ROCK1: variants seen among roughly 807,000 people sequenced by gnomAD.
ROCK1 encodes rho-associated protein kinase 1.
In ROCK1, 36 loss-of-function variants were observed where a neutral mutation model predicts 196.8. That is an observed-to-expected ratio of 0.18 (90% CI 0.14 to 0.24). The LOEUF (loss-of-function observed/expected upper bound fraction) is 0.24, where lower values mean the gene tolerates loss of function less well. Ranked by LOEUF, ROCK1 falls within the 10% of genes least tolerant of loss-of-function variation. The pLI, the probability that ROCK1 is intolerant of heterozygous loss-of-function variation, is 1.00. For missense variants in ROCK1, 920 were observed against 1,562.0 expected (o/e 0.59, Z 6.93); for synonymous variants, 443 against 515.9 (o/e 0.86, Z 1.91).
intron 2 of ROCK1, among the ~76,000 whole-genome samples, chr18:21,065,722 C>T (rs1229545426): frequency 6.6e-6 from 1 of 152,138 alleles, no homozygotes; most frequent in East Asian, 1.9e-4. Flanking sequence ...CACCTGAAAT[C>T]TTTCCTTATC....
At chr18:21,011,288 T>C (rs1464577072) in intron 13 of ROCK1, among the ~76,000 whole-genome samples, 1 of 152,164 alleles carries the variant, frequency 6.6e-6, no homozygotes, top group African/African-American at 2.4e-5. Flanking sequence ...AGCATTCCTT[T>C]TGATTTAACT....
Position 21,006,635 on chromosome 18 carries a change from A to C in ROCK1, c.1639-38T>G, listed in dbSNP as rs1288419696. ...AAAGCAAAAAAATAGGTTTCTGACC[A>C]AAGTACGATATAATTTAATTATCTA... On this transcript the variant is annotated intron_variant, in intron 15 of 32. Coordinates refer to ENST00000399799, the MANE Select transcript of ROCK1 (RefSeq NM_005406.3). 6 of 1,596,924 alleles carry C rather than the reference A, an allele frequency of 3.8e-6. No homozygotes were observed. The South Asian group carries it at 6.9e-5, about 18-fold the overall frequency.
At chr18:21,110,718 AT>A in intron 1 of ROCK1, 99 bp downstream of exon 1, 1 of 906,274 alleles carries the variant, frequency 1.1e-6, no homozygotes, top group African/African-American at 1.7e-5. Context: ...TTCCAAGACG[AT>A]TATGCACACC....
chr18:21,092,580 T>TAAAAAAAAAA (rs35799573), intron 1 of ROCK1, among the ~76,000 whole-genome samples: 1,774 of 80,870 alleles, frequency 0.022, 43 homozygotes, highest in Middle Eastern at 0.026. Flanking sequence ...ACCTCATCTT[T>TAAAAAAAAAA]AAAAAAAAAA....
chr18:21,070,496 G>T, intron 2 of ROCK1, 36 bp downstream of exon 2: 2 of 1,117,512 alleles, frequency 1.8e-6, no homozygotes, highest in Non-Finnish European at 2.7e-6. Flanking sequence ...GTAGTTATAT[G>T]AAGTCTGTCA....
intron 1 of ROCK1, among the ~76,000 whole-genome samples, chr18:21,075,432 C>T (rs914019074): frequency 9.9e-5 from 15 of 152,136 alleles, no homozygotes; most frequent in Admixed American, 9.2e-4. Flanking sequence ...ATAAATATTT[C>T]AGACACACTA....
intron 2 of ROCK1, among the ~76,000 whole-genome samples, chr18:21,067,926 T>C (rs1045643076): frequency 6.6e-6 from 1 of 152,190 alleles, no homozygotes; most frequent in Non-Finnish European, 1.5e-5. Flanking sequence ...TTCATTCCCT[T>C]GCGTACGGAT....
Position 21,042,132 on chromosome 18 carries a change from T to A in ROCK1, c.924A>T (p.Glu308Asp), listed in dbSNP as rs778180760. Residue 308 changes from glutamate to aspartate, a missense_variant, in exon 8 of 33, where the codon GAA becomes GAT. By Grantham distance (45) the Glu-to-Asp change is conservative. Transcript: ENST00000399799. ...TFPDDNDISK[E>D]AKNLICAFLT... is the part of the protein sequence containing the mutation. Reference sequence around the variant, plus strand: ...GGAAGGCACAAATAAGGTTTTTTGCTTCTTTTGATATGTCATTATCATCAG... The same window carrying A: ...GGAAGGCACAAATAAGGTTTTTTGCATCTTTTGATATGTCATTATCATCAG... 5.6e-6 allele frequency: 9 copies of A among 1,604,360 alleles called. No individual in the cohort carries two copies. Among genetic ancestry groups the A allele is most frequent in the Non-Finnish European group, 7.6e-6 (9 of 1,177,404 alleles).
intron 32 of ROCK1, among the ~76,000 whole-genome samples, chr18:20,952,338 C>A (rs531809742): frequency 5.3e-5 from 8 of 151,898 alleles, no homozygotes; most frequent in Non-Finnish European, 1.2e-4. Flanking sequence ...GCTGAGATTG[C>A]GCCACTGCAC....
intron 9 of ROCK1, among the ~76,000 whole-genome samples, chr18:21,035,001 G>A (rs763717406): frequency 2.0e-5 from 3 of 152,144 alleles, no homozygotes; most frequent in Non-Finnish European, 4.4e-5. Context: ...GAAGATATAC[G>A]AATGGCCAAT....
At chr18:20,965,134 A>T (rs1345379952) in intron 27 of ROCK1, among the ~76,000 whole-genome samples, 1 of 152,206 alleles carries the variant, frequency 6.6e-6, no homozygotes, top group Non-Finnish European at 1.5e-5. Flanking sequence ...TCATGCCTGT[A>T]ATCTCAGCAC....
At chr18:21,042,359 C>CACCTAAT in intron 7 of ROCK1, 124 bp from the exon 8 acceptor site, 1 of 992,614 alleles carries the variant, frequency 1.0e-6, no homozygotes, top group Non-Finnish European at 1.4e-6. Context: ...TAAAAACATA[C>CACCTAAT]ACCTAATATA....
chr18:21,075,720 G>A (rs1289766571), intron 1 of ROCK1, among the ~76,000 whole-genome samples: 3 of 151,906 alleles, frequency 2.0e-5, no homozygotes, highest in African/African-American at 4.8e-5. Flanking sequence ...TTGGGAGGCC[G>A]AGGCTGGTGG....
In ROCK1 at chr18:20,959,945, G is replaced by A. The variant is rs375369093; in HGVS notation, c.3424-17C>T. The A allele has an allele frequency of 7.2e-4, 1,079 of 1,497,054 alleles. 2 individuals are homozygous for A. Among genetic ancestry groups the A allele is most frequent in the Non-Finnish European group, 9.4e-4 (1,019 of 1,080,034 alleles). 92.7% of individuals were successfully genotyped at this position (1,497,054 alleles called of 1,614,324 possible). The stretch of plus-strand genomic sequence containing the variant: ...CACAACATACTGAAATAAGAAAAAG[G>A]GGGGAAGAGTTACAAGAGCAACATT... On this transcript the variant is annotated splice_polypyrimidine_tract_variant and intron_variant, in intron 28 of 32. Transcript: ENST00000399799.
chr18:20,967,112 C>T, intron 26 of ROCK1, 36 bp from the exon 27 acceptor site: 1 of 1,425,760 alleles, frequency 7.0e-7, no homozygotes, highest in Non-Finnish European at 9.7e-7. Context: ...TATAATCAAG[C>T]TAAAACAATT....
At chr18:20,997,393 CACAGAAA>C (rs2035681224) in intron 16 of ROCK1, among the ~76,000 whole-genome samples, 1 of 152,154 alleles carries the variant, frequency 6.6e-6, no homozygotes, top group South Asian at 2.1e-4. Context: ...TATAAAAAGG[CACAGAAA>C]AGGTCATAAT....
At chr18:21,050,039 A>T (rs1324373700) in intron 2 of ROCK1, among the ~76,000 whole-genome samples, 159 bp from the exon 3 acceptor site, 2 of 152,216 alleles carry the variant, frequency 1.3e-5, no homozygotes, top group African/African-American at 2.4e-5. Flanking sequence ...AAAGTAGCTA[A>T]ATGTTCAATT....
intron 1 of ROCK1, among the ~76,000 whole-genome samples, chr18:21,072,583 A>G (rs2036394875): frequency 6.6e-6 from 1 of 152,234 alleles, no homozygotes; most frequent in Admixed American, 6.5e-5. Flanking sequence ...CACACTTCCT[A>G]AAAGTCCAAA....
rs114493873 is a variant in ROCK1, at chr18:21,000,801, T to G, written c.1885+5550A>C. Among the ~76,000 whole-genome samples, 698 of 152,260 alleles carry G rather than the reference T, an allele frequency of 4.6e-3. 9 individuals are homozygous for G. Among genetic ancestry groups the G allele is most frequent in the African/African-American group, 0.016 (668 of 41,540 alleles). ...TATGGAGAAACTGGAATCCTGTACA[T>G]TGCTGACAGGAATGTAAAATGGTGC... On this transcript the variant is annotated intron_variant, in intron 16 of 32. Transcript: ENST00000399799.
Sources: gnomAD v4.1 joint callset for allele counts (sites outside exome capture counted in the v4.1 genomes callset) on GRCh38, gnomAD v4.1.1 for gene constraint, MANE v1.5 for transcripts, NCBI Gene and HGNC (gene_info 2026-07-23, HGNC 2026-07-21) for gene names.